PPP1R36: variants seen among roughly 807,000 people sequenced by gnomAD.
PPP1R36 encodes chromosome 14 open reading frame 50.
A neutral mutation model predicts 53.4 loss-of-function variants in PPP1R36; 47 were observed. The observed-to-expected ratio is 0.88, with a 90% CI of 0.70 to 1.12. PPP1R36 has a LOEUF of 1.12. Among genes scored for constraint, PPP1R36 ranks in the 50% most tolerant of loss-of-function variants. The pLI is 0.00. For synonymous variants in PPP1R36, 153 were observed against 170.5 expected (o/e 0.90, Z 0.80); for missense variants, 456 against 513.9 (o/e 0.89, Z 1.09).
At chr14:64,573,563 T>C (rs1303235138) in intron 7 of PPP1R36, among the ~76,000 whole-genome samples, 3 of 152,184 alleles carry the variant, frequency 2.0e-5, no homozygotes, top group South Asian at 2.1e-4. Context: ...AGCTGTTCTA[T>C]ATAAATTAGG....
chr14:64,566,007 C>T (rs2080251286), intron 6 of PPP1R36, among the ~76,000 whole-genome samples: 1 of 152,160 alleles, frequency 6.6e-6, no homozygotes, highest in Non-Finnish European at 1.5e-5. Context: ...CGGTGGCTCA[C>T]GCCTGTAATC....
At chr14:64,553,129 AT>A (rs1477544916) in intron 3 of PPP1R36, among the ~76,000 whole-genome samples, 2 of 151,678 alleles carry the variant, frequency 1.3e-5, no homozygotes, top group African/African-American at 4.8e-5. Context: ...TGTTTTTTGT[AT>A]TTTTAGTAGA....
At chr14:64,550,775 A>C (rs1449442433) in intron 1 of PPP1R36, 146 bp from the exon 2 acceptor site, 1 of 607,760 alleles carries the variant, frequency 1.6e-6, no homozygotes, top group African/African-American at 1.9e-5. Context: ...GTAAAGAGGG[A>C]CTAGTAGGAA....
intron 6 of PPP1R36, 115 bp downstream of exon 6, chr14:64,565,807 G>A: frequency 2.5e-6 from 2 of 788,666 alleles, no homozygotes; most frequent in Non-Finnish European, 4.2e-6. Flanking sequence ...CTGGCTCTAT[G>A]CAAGCCATCC....
intron 7 of PPP1R36, among the ~76,000 whole-genome samples, chr14:64,572,406 A>T (rs2080310238): frequency 1.3e-5 from 2 of 152,230 alleles, no homozygotes; most frequent in South Asian, 4.1e-4. Context: ...AAATTAGATG[A>T]AAACAGTATG....
chr14:64,577,610 A>G (rs1203441805), intron 8 of PPP1R36, among the ~76,000 whole-genome samples: 1 of 150,952 alleles, frequency 6.6e-6, no homozygotes, highest in Non-Finnish European at 1.5e-5. Flanking sequence ...ATTTTCTCCA[A>G]TAAATCTTGT....
At chr14:64,582,106 G>C (rs1487715758) in intron 8 of PPP1R36, among the ~76,000 whole-genome samples, 1 of 152,122 alleles carries the variant, frequency 6.6e-6, no homozygotes, top group Non-Finnish European at 1.5e-5. Flanking sequence ...TGAAACTCAG[G>C]TGTGTAAATT....
At chr14:64,564,207 T>A (rs373863557) in intron 3 of PPP1R36, among the ~76,000 whole-genome samples, 2 of 152,124 alleles carry the variant, frequency 1.3e-5, no homozygotes, top group African/African-American at 4.8e-5. Context: ...CAGTGAATAC[T>A]GAGATTGCTG....
intron 1 of PPP1R36, 135 bp downstream of exon 1, chr14:64,550,201 G>C: frequency 2.1e-6 from 3 of 1,427,082 alleles, no homozygotes; most frequent in Non-Finnish European, 1.8e-6. Context: ...GGTTCTCAAA[G>C]ACACCTGGCC....
intron 11 of PPP1R36, among the ~76,000 whole-genome samples, chr14:64,588,890 T>C (rs1410694250): frequency 2.0e-5 from 3 of 152,190 alleles, no homozygotes; most frequent in Non-Finnish European, 4.4e-5. Context: ...GCTGAGGTTT[T>C]TCTATTAGTA....
chr14:64,564,320 C>T (rs116894041), intron 3 of PPP1R36, among the ~76,000 whole-genome samples: 2 of 152,268 alleles, frequency 1.3e-5, no homozygotes, highest in East Asian at 3.9e-4. Context: ...AGTCAAGTCA[C>T]TTAATTTCTT....
At chr14:64,565,289 C>T (rs2080240735) in intron 4 of PPP1R36, 68 bp from the exon 5 acceptor site, 2 of 1,099,608 alleles carry the variant, frequency 1.8e-6, no homozygotes, top group Non-Finnish European at 2.7e-6. Flanking sequence ...CTTCCTGCAC[C>T]TCAGGATAGA....
Position 64,550,006 on chromosome 14 carries a change from G to C in PPP1R36, c.9G>C (p.Arg3=). The change falls in exon 1 of 12, where the codon CGG becomes CGC. Residue 3 remains arginine (R), a synonymous_variant. Coordinates refer to ENST00000298705, the MANE Select transcript of PPP1R36 (RefSeq NM_172365.3). MY[R]VPEFYARRKR... is the part of the protein sequence containing the mutation. ...GCTTCCAGGGCGAGGCCATGTACCG[G>C]GTGCCCGAGTTTTATGCGAGGAGGA... 1 of 1,571,404 alleles carries C rather than the reference G, an allele frequency of 6.4e-7. No homozygotes were observed. The highest frequency in any genetic ancestry group is 1.2e-5 in the South Asian group (1 of 85,436).
chr14:64,550,323 C>CT, intron 1 of PPP1R36: 1 of 1,296,722 alleles, frequency 7.7e-7, no homozygotes, highest in East Asian at 3.3e-5. Context: ...CTCACCACCT[C>CT]TAATTGGTTG....
At chr14:64,554,996 A>C (rs1333559509) in intron 3 of PPP1R36, among the ~76,000 whole-genome samples, 3 of 152,168 alleles carry the variant, frequency 2.0e-5, no homozygotes, top group Non-Finnish European at 4.4e-5. Flanking sequence ...TTGAGGCCAG[A>C]ACCCTAGGAA....
chr14:64,557,853 A>G (rs2080169335), intron 3 of PPP1R36, among the ~76,000 whole-genome samples: 1 of 152,206 alleles, frequency 6.6e-6, no homozygotes, highest in South Asian at 2.1e-4. Flanking sequence ...TACTAAAAAT[A>G]TAAAAAATAG....
intron 8 of PPP1R36, among the ~76,000 whole-genome samples, chr14:64,580,905 T>G (rs1249712596): frequency 6.6e-6 from 1 of 152,190 alleles, no homozygotes. Context: ...TTCATATATG[T>G]GTTACCGAAG....
Position 64,589,142 on chromosome 14 carries a change from C to A in PPP1R36, c.1083-10C>A, listed in dbSNP as rs772802605. ...CATCACTTCAGCTATCCCAATAATT[C>A]TTTTCACAGAGTTGGCATCTTGGGG... is the stretch of plus-strand genomic sequence containing the variant. On this transcript the variant is annotated splice_polypyrimidine_tract_variant and intron_variant, in intron 11 of 11. Coordinates refer to ENST00000298705, the MANE Select transcript of PPP1R36 (RefSeq NM_172365.3). 6.2e-7 allele frequency: 1 copy of A among 1,608,080 alleles called. No individual in the cohort carries two copies. Among genetic ancestry groups the A allele is most frequent in the African/African-American group, 1.3e-5 (1 of 74,610 alleles).
At chr14:64,581,936 C>T (rs1273625203) in intron 8 of PPP1R36, among the ~76,000 whole-genome samples, 1 of 152,202 alleles carries the variant, frequency 6.6e-6, no homozygotes, top group Non-Finnish European at 1.5e-5. Context: ...GTGGCAGGCA[C>T]ATGCCATAGT....
Sources: allele counts gnomAD v4.1 joint callset (sites outside exome capture counted in the v4.1 genomes callset), GRCh38; gene constraint gnomAD v4.1.1; transcripts MANE v1.5; gene names NCBI Gene and HGNC (gene_info 2026-07-23, HGNC 2026-07-21).